The following ITPR2 variants were observed in gnomAD, a reference collection of about 807,000 sequenced individuals.
ITPR2 encodes the protein inositol 1,4,5-trisphosphate-gated calcium channel ITPR2.
In ITPR2, 207 loss-of-function variants were observed where a neutral mutation model predicts 317.1. The ratio of observed to expected loss-of-function variants is 0.65; its 90% CI spans 0.58 to 0.73. ITPR2 has a LOEUF of 0.73. Among genes scored for constraint, ITPR2 ranks in the 30% least tolerant of loss-of-function variants. The probability of loss-of-function intolerance (pLI) is 0.00; values close to 1 mark genes in which losing one functional copy is unlikely to be tolerated. For missense variants in ITPR2, 2,613 were observed against 3,284.0 expected (o/e 0.80, Z 4.99); for synonymous variants, 1,156 against 1,149.1 (o/e 1.01, Z -0.12).
chr12:26,575,183 G>T (rs1945247351), intron 34 of ITPR2, among the ~76,000 whole-genome samples: 1 of 145,700 alleles, frequency 6.9e-6, no homozygotes, highest in Non-Finnish European at 1.5e-5. Flanking sequence ...GCCATGTGGG[G>T]GCATCCTAGA....
chr12:26,400,099 C>G (rs12817771), intron 53 of ITPR2, 29 bp downstream of exon 53: 24,524 of 1,575,494 alleles, frequency 0.016, 238 homozygotes, highest in Non-Finnish European at 0.019. Flanking sequence ...AGATGTGCTC[C>G]TTGAAAAAAT....
At chr12:26,368,622 C>T (rs959284006) in intron 55 of ITPR2, among the ~76,000 whole-genome samples, 4 of 152,266 alleles carry the variant, frequency 2.6e-5, no homozygotes, top group South Asian at 4.2e-4. Context: ...AGCTGCCATA[C>T]ATTTTTACTC....
At chr12:26,516,899 A>G (rs1272652877) in intron 37 of ITPR2, among the ~76,000 whole-genome samples, 1 of 152,104 alleles carries the variant, frequency 6.6e-6, no homozygotes, top group Admixed American at 6.5e-5. Flanking sequence ...GAAAAAAAAG[A>G]CAGTGAATGG....
intron 55 of ITPR2, among the ~76,000 whole-genome samples, chr12:26,369,079 G>T (rs1490886948): frequency 6.6e-6 from 1 of 152,168 alleles, no homozygotes; most frequent in Non-Finnish European, 1.5e-5. Flanking sequence ...ATTTGCAAAG[G>T]CCCTTAGGTA....
chr12:26,494,114 C>A, intron 39 of ITPR2, 39 bp downstream of exon 39: 2 of 1,456,110 alleles, frequency 1.4e-6, no homozygotes, highest in Non-Finnish European at 1.9e-6. Context: ...CAAGAAATAC[C>A]AATAATAAAT....
intron 26 of ITPR2, among the ~76,000 whole-genome samples, chr12:26,610,776 C>G (rs1328937408): frequency 6.6e-6 from 1 of 152,128 alleles, no homozygotes; most frequent in Non-Finnish European, 1.5e-5. Context: ...ATCCCTCATG[C>G]CCAGTGGGTA....
At chr12:26,445,748 T>C (rs2129868) in intron 45 of ITPR2, among the ~76,000 whole-genome samples, 134,537 of 152,110 alleles carry the variant, frequency 0.88, 59,569 homozygotes, top group South Asian at 0.9. Flanking sequence ...GAATGGGAGG[T>C]GAGGAAGTAT....
At chr12:26,371,930 A>G (rs1364982873) in intron 55 of ITPR2, among the ~76,000 whole-genome samples, 2 of 152,184 alleles carry the variant, frequency 1.3e-5, no homozygotes, top group African/African-American at 4.8e-5. Context: ...AAAAAATCAC[A>G]TAATTCCTCT....
chr12:26,694,011 C>G (rs1322730002), intron 10 of ITPR2, among the ~76,000 whole-genome samples: 1 of 152,150 alleles, frequency 6.6e-6, no homozygotes, highest in Non-Finnish European at 1.5e-5. Context: ...AATGGTGGTG[C>G]TAGAACAAGA....
intron 31 of ITPR2, 30 bp downstream of exon 31, chr12:26,596,853 T>A (rs1485782942): frequency 6.6e-7 from 1 of 1,509,292 alleles, no homozygotes; most frequent in South Asian, 1.4e-5. Flanking sequence ...AATGATTCTA[T>A]TAGAGCTGCT....
chr12:26,495,175 T>G lies in ITPR2; in HGVS notation c.5159A>C (p.Tyr1720Ser). 3.1e-6 allele frequency: 5 copies of G among 1,601,580 alleles called. No homozygotes were observed. Among genetic ancestry groups the G allele is most frequent in the Non-Finnish European group, 4.3e-6 (5 of 1,168,616 alleles). ...ACCTCCCACCTGTGCAGTTTTGGAG[T>G]AGGCTCCTGATAGGTGTCCATTCAC... ...IGVNGHLSGA[Y>S]SKTAQVGGSF... Residue 1720 changes from tyrosine (Y) to serine (S), a missense_variant, in exon 38 of 57, where the codon TAC becomes TCC. Physicochemically the swap from Tyr to Ser is moderately radical, Grantham distance 144. Transcript: ENST00000381340.
chr12:26,694,651 C>T (rs977574851), intron 10 of ITPR2, among the ~76,000 whole-genome samples: 14 of 152,114 alleles, frequency 9.2e-5, no homozygotes, highest in Admixed American at 1.3e-4. Flanking sequence ...TCACACTTTG[C>T]TTTTTAAACC....
chr12:26,511,204 A>G (rs952529363), intron 37 of ITPR2, among the ~76,000 whole-genome samples: 2 of 152,206 alleles, frequency 1.3e-5, no homozygotes, highest in African/African-American at 4.8e-5. Flanking sequence ...CCATCAGTGG[A>G]ACAGGAGCAT....
At chr12:26,743,373 CACAT>C (rs1949268572) in intron 2 of ITPR2, among the ~76,000 whole-genome samples, 1 of 151,984 alleles carries the variant, frequency 6.6e-6, no homozygotes, top group Non-Finnish European at 1.5e-5. Flanking sequence ...TATACATACA[CACAT>C]ATAAAAATTT....
intron 37 of ITPR2, among the ~76,000 whole-genome samples, chr12:26,498,308 A>G (rs1309759944): frequency 1.3e-5 from 2 of 152,252 alleles, no homozygotes; most frequent in African/African-American, 2.4e-5. Flanking sequence ...TGCAGCACCT[A>G]GAAGAAACAT....
chr12:26,826,252 G>A (rs1182335228), intron 1 of ITPR2, among the ~76,000 whole-genome samples: 1 of 151,580 alleles, frequency 6.6e-6, no homozygotes, highest in Non-Finnish European at 1.5e-5. Context: ...AAGTCCTATT[G>A]AGGAAAATAT....
chr12:26,618,298 T>C (rs893023234), intron 26 of ITPR2, among the ~76,000 whole-genome samples: 28 of 152,338 alleles, frequency 1.8e-4, no homozygotes, highest in Non-Finnish European at 3.2e-4. Flanking sequence ...TTTGAACTTA[T>C]AGCATTACCT....
intron 55 of ITPR2, among the ~76,000 whole-genome samples, chr12:26,355,846 C>G (rs1387200701): frequency 6.6e-6 from 1 of 152,126 alleles, no homozygotes; most frequent in Non-Finnish European, 1.5e-5. Context: ...TTTTGGGGGT[C>G]AGCACAACAC....
intron 1 of ITPR2, among the ~76,000 whole-genome samples, chr12:26,827,786 G>C (rs1951030860): frequency 1.3e-5 from 2 of 152,156 alleles, no homozygotes; most frequent in South Asian, 4.1e-4. Context: ...TGGCTGAAGA[G>C]CTAAAATGGA....
Sources: allele counts gnomAD v4.1 joint callset (sites outside exome capture counted in the v4.1 genomes callset), GRCh38; gene constraint gnomAD v4.1.1; transcripts MANE v1.5; gene names NCBI Gene and HGNC (gene_info 2026-07-23, HGNC 2026-07-21).